Variants in SGK1 observed in about 807,000 individuals in gnomAD.
SGK1 encodes the protein serum/glucocorticoid regulated kinase 1, also known as serine/threonine-protein kinase Sgk1.
In SGK1, 26 loss-of-function variants were observed where a neutral mutation model predicts 64.2. The ratio of observed to expected loss-of-function variants is 0.40; its 90% CI spans 0.30 to 0.56. The LOEUF is 0.56. Among genes scored for constraint, SGK1 ranks in the 20% least tolerant of loss-of-function variants. The pLI is 0.38. For missense variants in SGK1, 519 were observed against 645.6 expected (o/e 0.80, Z 2.12); for synonymous variants, 265 against 239.7 (o/e 1.11, Z -0.98).
chr6:134,170,952 G>A (rs757035466), intron 12 of SGK1, 37 bp from the exon 13 acceptor site: 2 of 1,604,214 alleles, frequency 1.2e-6, no homozygotes, highest in East Asian at 4.5e-5. Context: ...TTAGACAGGT[G>A]CATTCAATAA....
In SGK1 at chr6:134,222,917, A is replaced by G. The variant is rs530019648; in HGVS notation, c.286-15486T>C. ...AAGTTCCTATCCAAAGGGAGTAGGGAGACTGGGTTATCAATGTATTTTCAA... is the reference window on the plus strand; with the variant it reads ...AAGTTCCTATCCAAAGGGAGTAGGGGGACTGGGTTATCAATGTATTTTCAA... On this transcript the variant is annotated intron_variant, in intron 2 of 13. Transcript: ENST00000367858. Among the ~76,000 whole-genome samples, 10 of 152,298 alleles carry G rather than the reference A, an allele frequency of 6.6e-5. No individual in the cohort carries two copies. The South Asian group carries it at 2.1e-3, about 32-fold the overall frequency.
intron 2 of SGK1, among the ~76,000 whole-genome samples, chr6:134,232,451 G>GAAAGAAAGAAAGAAAGAAAGAA (rs1776301059): frequency 2.7e-5 from 1 of 37,158 alleles, no homozygotes; most frequent in Non-Finnish European, 6.0e-5. Flanking sequence ...AAGAAAGAAA[G>GAAAGAAAGAAAGAAAGAAAGAA]AAAGAAAGAA....
intron 3 of SGK1, among the ~76,000 whole-genome samples, chr6:134,202,045 C>T (rs1300352765): frequency 6.6e-6 from 1 of 152,018 alleles, no homozygotes; most frequent in African/African-American, 2.4e-5. Flanking sequence ...CTAGGCACAT[C>T]ATAGTCAAAC....
chr6:134,186,063 A>G (rs1775418849), intron 3 of SGK1, among the ~76,000 whole-genome samples: 2 of 152,158 alleles, frequency 1.3e-5, no homozygotes, highest in Admixed American at 1.3e-4. Flanking sequence ...ACACCCCAAA[A>G]TAATGCTTTG....
chr6:134,212,208 C>T (rs920613607), intron 2 of SGK1, among the ~76,000 whole-genome samples: 3 of 152,046 alleles, frequency 2.0e-5, no homozygotes, highest in East Asian at 2.0e-4. Flanking sequence ...CGCCTGCCAC[C>T]ACGCCCGGCT....
intron 3 of SGK1, among the ~76,000 whole-genome samples, chr6:134,190,312 G>T (rs1300222728): frequency 7.0e-6 from 1 of 142,978 alleles, no homozygotes. Flanking sequence ...TTGAGATAGA[G>T]TCTGGCTGTA....
intron 1 of SGK1, among the ~76,000 whole-genome samples, chr6:134,315,369 G>A (rs1777666707): frequency 6.6e-6 from 1 of 152,174 alleles, no homozygotes; most frequent in Admixed American, 6.5e-5. Flanking sequence ...GAAGTTAGAT[G>A]AAGCTGCCTG....
rs757390849 is a variant in SGK1, at chr6:134,173,578, A to G, written c.514-12T>C. 3 of 1,562,612 alleles carry G rather than the reference A, an allele frequency of 1.9e-6. No homozygotes were observed. The South Asian group carries it at 3.6e-5, about 18-fold the overall frequency. On this transcript the variant is annotated splice_polypyrimidine_tract_variant and intron_variant, in intron 5 of 13. Transcript: ENST00000367858. The stretch of plus-strand genomic sequence containing the variant: ...TGAGAAGGACTTGGCTAGAAAAAAA[A>G]AAAAAGAATTTCTTTTAATACCATT...
At position 134,262,035 on chromosome 6, in the gene SGK1, C is replaced by T. The variant is rs1776773734; in HGVS notation, c.183G>A (p.Glu61=). The change falls in exon 2 of 14, where the codon GAG becomes GAA. Residue 61 remains glutamate (E), a synonymous_variant. Transcript: ENST00000367858. The stretch of plus-strand genomic sequence containing the variant: ...CCAGGCATGTTTGACACAAGGAAGA[C>T]TCGAAGTCTGGCTCCCCTGGAGGGA... ...VHIPPGEPDF[E]SSLCQTCLGE... 3.1e-6 allele frequency: 5 copies of T among 1,613,870 alleles called. No individual in the cohort carries two copies. The African/African-American group carries it at 5.3e-5, about 17-fold the overall frequency.
chr6:134,291,089 C>A (rs564345912), intron 1 of SGK1, among the ~76,000 whole-genome samples: 13 of 152,224 alleles, frequency 8.5e-5, no homozygotes, highest in African/African-American at 3.1e-4. Flanking sequence ...CAGGTCCATG[C>A]CTCTAATCTA....
chr6:134,305,119 A>T (rs902356572), intron 1 of SGK1, among the ~76,000 whole-genome samples: 1 of 152,124 alleles, frequency 6.6e-6, no homozygotes, highest in African/African-American at 2.4e-5. Context: ...ACACTTTGGG[A>T]GGCCAAGACG....
At chr6:134,231,537 CAA>C (rs1776278374) in intron 2 of SGK1, among the ~76,000 whole-genome samples, 1 of 152,166 alleles carries the variant, frequency 6.6e-6, no homozygotes, top group African/African-American at 2.4e-5. Context: ...AAAGCTATCA[CAA>C]AATATTTTAG....
chr6:134,256,912 C>G (rs150719958), intron 2 of SGK1: 2 of 152,190 alleles, frequency 1.3e-5, no homozygotes, highest in Non-Finnish European at 2.9e-5. Context: ...ATTGGCAAGG[C>G]CTGGTACAAA....
intron 2 of SGK1, chr6:134,261,478 G>A (rs1233020837): frequency 3.6e-6 from 1 of 274,092 alleles, no homozygotes; most frequent in Non-Finnish European, 6.9e-6. Flanking sequence ...GTGGTTGCTA[G>A]GGGTCAGGGT....
At chr6:134,206,391 T>A (rs1443597102) in intron 3 of SGK1, among the ~76,000 whole-genome samples, 94 of 25,082 alleles carry the variant, frequency 3.7e-3, no homozygotes, top group African/African-American at 9.2e-3. Context: ...ATATTTTTTT[T>A]TTTTTTTTTT....
At chr6:134,209,702 A>C (rs915687403) in intron 2 of SGK1, among the ~76,000 whole-genome samples, 1 of 152,036 alleles carries the variant, frequency 6.6e-6, no homozygotes, top group African/African-American at 2.4e-5. Context: ...GTTGAGATGG[A>C]GTCTCGCTTT....
chr6:134,291,481 ATG>A (rs1266615604), intron 1 of SGK1, among the ~76,000 whole-genome samples: 3 of 152,216 alleles, frequency 2.0e-5, no homozygotes, highest in Non-Finnish European at 4.4e-5. Flanking sequence ...TTCAGTTGGC[ATG>A]ATAATAAAGC....
chr6:134,222,656 C>G (rs553952692), intron 2 of SGK1, among the ~76,000 whole-genome samples: 128 of 152,252 alleles, frequency 8.4e-4, no homozygotes, highest in Middle Eastern at 3.4e-3. Flanking sequence ...TTTCTAATGA[C>G]TGGCTGTTTT....
At chr6:134,283,179 C>T (rs1777120810) in intron 1 of SGK1, 1 of 152,062 alleles carries the variant, frequency 6.6e-6, no homozygotes, top group Non-Finnish European at 1.5e-5. Context: ...CGCTGCTTCA[C>T]CTAACTAGCC....
Sources: allele counts gnomAD v4.1 joint callset (sites outside exome capture counted in the v4.1 genomes callset), GRCh38; gene constraint gnomAD v4.1.1; transcripts MANE v1.5; gene names NCBI Gene and HGNC (gene_info 2026-07-23, HGNC 2026-07-21).